The following MYT1L variants were observed in gnomAD, a reference collection of about 807,000 sequenced individuals.
The protein encoded by MYT1L is myelin transcription factor 1 like, also known as myelin transcription factor 1-like protein.
A neutral mutation model predicts 126.7 loss-of-function variants in MYT1L; 12 were observed. The ratio of observed to expected loss-of-function variants is 0.09; its 90% CI spans 0.06 to 0.15. The LOEUF is 0.15. MYT1L is among the 10% of genes least tolerant of loss of function. The pLI, the probability that MYT1L is intolerant of heterozygous loss-of-function variation, is 1.00. For missense variants in MYT1L, 979 were observed against 1,585.2 expected (o/e 0.62, Z 6.49); for synonymous variants, 541 against 604.2 (o/e 0.90, Z 1.53).
intron 18 of MYT1L, among the ~76,000 whole-genome samples, chr2:1,868,160 A>G (rs1364936989): frequency 6.6e-6 from 1 of 152,044 alleles, no homozygotes; most frequent in African/African-American, 2.4e-5. Context: ...ATGGGGTTTC[A>G]CCAGGTTGGC....
intron 18 of MYT1L, among the ~76,000 whole-genome samples, chr2:1,861,945 CTG>C (rs1213441030): frequency 1.3e-5 from 2 of 152,276 alleles, no homozygotes; most frequent in Admixed American, 6.5e-5. Context: ...AATCCTGGAT[CTG>C]CCTGCAGCCT....
chr2:2,017,644 A>G (rs549652152), intron 4 of MYT1L, among the ~76,000 whole-genome samples: 1 of 152,348 alleles, frequency 6.6e-6, no homozygotes, highest in South Asian at 2.1e-4. Flanking sequence ...TAAGCACTTA[A>G]GATGTAACTT....
At chr2:1,921,681 C>T in intron 10 of MYT1L, among the ~76,000 whole-genome samples, 1 of 152,188 alleles carries the variant, frequency 6.6e-6, no homozygotes, top group East Asian at 1.9e-4. Flanking sequence ...CACACCATGC[C>T]TTGCATAGCA....
chr2:1,910,473 G>T lies in MYT1L; in HGVS notation c.1710-126C>A. On this transcript the variant is annotated intron_variant, in intron 12 of 24. Coordinates refer to ENST00000647738, the MANE Select transcript of MYT1L (RefSeq NM_001303052.2). The surrounding 1 kb of genome is among the most constrained non-coding windows in gnomAD (Gnocchi z 4.8). ...GAGGGAGGGGTAGTTTCCCAAACCT[G>T]GCACAGGCAGTCCTGATGGGTGGAC... 1.3e-6 allele frequency: 1 copy of T among 780,158 alleles called. No homozygotes were observed. Among genetic ancestry groups the T allele is most frequent in the Non-Finnish European group, 2.1e-6 (1 of 470,366 alleles). 48.3% of individuals were successfully genotyped at this position (780,158 alleles called of 1,614,324 possible).
intron 3 of MYT1L, among the ~76,000 whole-genome samples, chr2:2,128,109 G>A (rs917850446): frequency 3.9e-5 from 6 of 152,132 alleles, no homozygotes; most frequent in Admixed American, 3.9e-4. Context: ...ATGCAAACCA[G>A]AAAGGTCACC....
At chr2:2,105,904 T>A (rs1228448542) in intron 3 of MYT1L, among the ~76,000 whole-genome samples, 2 of 152,230 alleles carry the variant, frequency 1.3e-5, no homozygotes, top group Non-Finnish European at 2.9e-5. Context: ...AATACAAATA[T>A]CAGGCTAAAT....
At chr2:2,305,766 T>G (rs1057137046) in intron 1 of MYT1L, among the ~76,000 whole-genome samples, 3 of 151,494 alleles carry the variant, frequency 2.0e-5, no homozygotes, top group African/African-American at 7.3e-5. Flanking sequence ...GGAGAAAGAG[T>G]GAAGTGGGAA....
intron 21 of MYT1L, among the ~76,000 whole-genome samples, chr2:1,814,109 A>G (rs1433004631): frequency 6.6e-6 from 1 of 151,470 alleles, no homozygotes; most frequent in Non-Finnish European, 1.5e-5. Context: ...GCTGTCCTAG[A>G]TGGCCTTTGC....
intron 1 of MYT1L, among the ~76,000 whole-genome samples, chr2:2,305,089 TA>T (rs1559616343): frequency 1.3e-5 from 2 of 152,262 alleles, no homozygotes; most frequent in East Asian, 1.9e-4. Context: ...TTTTTAAGTT[TA>T]TTTTTTTGAT....
intron 18 of MYT1L, among the ~76,000 whole-genome samples, chr2:1,861,515 T>G (rs2044598930): frequency 1.3e-5 from 2 of 151,964 alleles, no homozygotes; most frequent in Admixed American, 1.3e-4. Context: ...TTTTTTTTTT[T>G]TGTAGCCCTT....
At position 1,988,199 on chromosome 2, in the gene MYT1L, C is replaced by T. The variant is rs546406578; in HGVS notation, c.1-8422G>A. Among the ~76,000 whole-genome samples, 28 of 152,034 alleles carry T rather than the reference C, an allele frequency of 1.8e-4. No homozygotes were observed. The South Asian group carries it at 5.0e-3, about 27-fold the overall frequency. On this transcript the variant is annotated intron_variant, in intron 5 of 24. Coordinates refer to ENST00000647738, the MANE Select transcript of MYT1L (RefSeq NM_001303052.2). ...CCCAGCTGCACCTACAGGGTGGAAA[C>T]GGTGCCACATTCCAACCCTCCTGCC...
At chr2:2,125,393 T>G (rs2081556887) in intron 3 of MYT1L, among the ~76,000 whole-genome samples, 1 of 152,232 alleles carries the variant, frequency 6.6e-6, no homozygotes, top group South Asian at 2.1e-4. Flanking sequence ...TTCTGGAGAT[T>G]ATTTCTAGAA....
intron 2 of MYT1L, among the ~76,000 whole-genome samples, chr2:2,279,539 GAGAGAGAA>G (rs527589964): frequency 6.3e-5 from 8 of 127,848 alleles, no homozygotes; most frequent in African/African-American, 2.3e-4. Context: ...GGAGGAAGGA[GAGAGAGAA>G]AGAGAGAAGG....
chr2:1,887,218 A>C lies in MYT1L; in HGVS notation c.2642+270T>G, dbSNP rs892829641. The C allele has an allele frequency of 2.4e-6, 1 of 418,308 alleles. No homozygotes were observed. Among genetic ancestry groups the C allele is most frequent in the Non-Finnish European group, 4.2e-6 (1 of 238,438 alleles). The allele number at this position is 418,308 out of a possible 1,614,324, so 25.9% of individuals were successfully genotyped here. On this transcript the variant is annotated intron_variant, in intron 17 of 24. Transcript: ENST00000647738. This position sits in a 1 kb window ranked among gnomAD's most constrained non-coding sequence, Gnocchi z 4.8. ...GTTTCATTGTTTCCAGTTTAGCTGC[A>C]ATGTCTGCAAGGGGATTTAAGCACC...
intron 4 of MYT1L, among the ~76,000 whole-genome samples, chr2:2,014,638 C>T (rs759341117): frequency 3.3e-5 from 5 of 152,230 alleles, no homozygotes; most frequent in Non-Finnish European, 7.3e-5. Context: ...GACTCTGATT[C>T]ATAATCTGAG....
At chr2:2,251,775 C>G (rs1157397179) in intron 2 of MYT1L, among the ~76,000 whole-genome samples, 1 of 149,122 alleles carries the variant, frequency 6.7e-6, no homozygotes, top group Non-Finnish European at 1.5e-5. Flanking sequence ...TTACCCACAA[C>G]TAATACAAGA....
intron 21 of MYT1L, among the ~76,000 whole-genome samples, chr2:1,833,710 C>T (rs1325928464): frequency 6.6e-6 from 1 of 152,198 alleles, no homozygotes; most frequent in Non-Finnish European, 1.5e-5. Context: ...CGGGATGGGG[C>T]CTTGACTTTT....
chr2:2,329,609 A>G lies in MYT1L; in HGVS notation c.-521+1358T>C, dbSNP rs531126901. Among the ~76,000 whole-genome samples the G allele has an allele frequency of 3.3e-5, 5 of 152,366 alleles. No homozygotes were observed. In the South Asian group the frequency reaches 8.3e-4, roughly 25 times the overall value. On this transcript the variant is annotated intron_variant, in intron 1 of 24. Coordinates refer to ENST00000647738, the MANE Select transcript of MYT1L (RefSeq NM_001303052.2). Reference sequence around the variant, plus strand: ...GAAAATCAAGCTAAAATATAAAGAAATATGGCTGATTAAAAGCAGAAGGAT... The same window carrying G: ...GAAAATCAAGCTAAAATATAAAGAAGTATGGCTGATTAAAAGCAGAAGGAT...
chr2:1,983,921 T>C (rs1345720453), intron 5 of MYT1L, among the ~76,000 whole-genome samples: 2 of 152,226 alleles, frequency 1.3e-5, no homozygotes, highest in Non-Finnish European at 2.9e-5. Context: ...AACTCCACTT[T>C]AGCAGTAATT....
Sources: allele counts gnomAD v4.1 joint callset (sites outside exome capture counted in the v4.1 genomes callset), GRCh38; gene constraint gnomAD v4.1.1; non-coding constraint Gnocchi (gnomAD v3.1); transcripts MANE v1.5; gene names NCBI Gene and HGNC (gene_info 2026-07-23, HGNC 2026-07-21).